SMAD9: variants seen among roughly 807,000 people sequenced by gnomAD.
SMAD9 encodes MAD homolog 9.
SMAD9 carries 36 observed loss-of-function variants against 46.1 expected under a neutral mutation model. That is an observed-to-expected ratio of 0.78 (90% CI 0.60 to 1.03). The LOEUF is 1.03. SMAD9 is among the 50% of genes least tolerant of loss of function. The probability of loss-of-function intolerance (pLI) is 0.00; values close to 1 mark genes in which losing one functional copy is unlikely to be tolerated. For missense variants in SMAD9, 572 were observed against 599.8 expected (o/e 0.95, Z 0.48); for synonymous variants, 245 against 237.1 (o/e 1.03, Z -0.31).
chr13:36,906,799 C>T (rs781612887), intron 1 of SMAD9, among the ~76,000 whole-genome samples: 19 of 152,122 alleles, frequency 1.2e-4, no homozygotes, highest in Non-Finnish European at 2.5e-4. Flanking sequence ...AAAATTTGCA[C>T]ATTGTTGATG....
At chr13:36,874,749 T>TG (rs530889221) in intron 2 of SMAD9, among the ~76,000 whole-genome samples, 4 of 146,234 alleles carry the variant, frequency 2.7e-5, no homozygotes, top group South Asian at 2.2e-4. Flanking sequence ...CCCAGCTACT[T>TG]GGGGGGGCTG....
chr13:36,918,461 C>G (rs1364358348), intron 1 of SMAD9, among the ~76,000 whole-genome samples: 1 of 152,240 alleles, frequency 6.6e-6, no homozygotes, highest in Non-Finnish European at 1.5e-5. Context: ...CGAAGGCTGT[C>G]TGGCAGACAG....
At chr13:36,856,495 T>C (rs1489640236) in intron 5 of SMAD9, among the ~76,000 whole-genome samples, 1 of 152,070 alleles carries the variant, frequency 6.6e-6, no homozygotes, top group Non-Finnish European at 1.5e-5. Flanking sequence ...GCAGAGCCAA[T>C]GGGACCAGCA....
At position 36,848,618 on chromosome 13, in the gene SMAD9, A is replaced by C; in HGVS notation, c.*58T>G. On this transcript the variant is annotated 3_prime_UTR_variant, in exon 7 of 7. Transcript: ENST00000379826. ...ACTTCAGTTGCAAATCTGAAATGAT[A>C]CAAGCCACTCCCTGCAATAGCCTCT... 3 of 1,526,070 alleles carry C rather than the reference A, an allele frequency of 2.0e-6. No homozygotes were observed. The highest frequency in any genetic ancestry group is 2.7e-6 in the Non-Finnish European group (3 of 1,099,930). The allele number at this position is 1,526,070 out of a possible 1,614,324, so 94.5% of individuals were successfully genotyped here.
Position 36,848,517 on chromosome 13 carries a change from A to T in SMAD9, c.*159T>A. On this transcript the variant is annotated 3_prime_UTR_variant, in exon 7 of 7. Coordinates refer to ENST00000379826, the MANE Select transcript of SMAD9 (RefSeq NM_001127217.3). Reference sequence around the variant, plus strand: ...GCACTGTACTGGCATCAGGTTAACTAGAAAGCACAAAACAAACGGTGATTA... The same window carrying T: ...GCACTGTACTGGCATCAGGTTAACTTGAAAGCACAAAACAAACGGTGATTA... 1 of 768,266 alleles carries T rather than the reference A, an allele frequency of 1.3e-6. No homozygotes were observed. The highest frequency in any genetic ancestry group is 2.2e-6 in the Non-Finnish European group (1 of 447,990). 47.6% of individuals were successfully genotyped at this position (768,266 alleles called of 1,614,324 possible).
chr13:36,869,963 T>G (rs763429700), intron 3 of SMAD9, among the ~76,000 whole-genome samples: 14 of 152,212 alleles, frequency 9.2e-5, no homozygotes, highest in South Asian at 2.1e-4. Flanking sequence ...TATACCTCAA[T>G]AGAGCTTTTT....
intron 3 of SMAD9, among the ~76,000 whole-genome samples, chr13:36,872,100 T>C (rs1014033519): frequency 2.0e-5 from 3 of 152,152 alleles, no homozygotes; most frequent in African/African-American, 7.2e-5. Flanking sequence ...CCCTTCCATA[T>C]GCTTTCTCAA....
intron 1 of SMAD9, among the ~76,000 whole-genome samples, chr13:36,899,651 T>C (rs1467241456): frequency 2.6e-5 from 4 of 152,028 alleles, no homozygotes; most frequent in African/African-American, 9.7e-5. Context: ...GGAAGCACAA[T>C]ATCAAAATGG....
intron 1 of SMAD9, among the ~76,000 whole-genome samples, chr13:36,885,839 A>AC (rs1566029908): frequency 6.6e-6 from 1 of 152,064 alleles, no homozygotes; most frequent in East Asian, 1.9e-4. Context: ...AGAGCCTGTG[A>AC]CCCCAAAAAG....
chr13:36,873,276 C>A (rs549869770), intron 2 of SMAD9, among the ~76,000 whole-genome samples: 2 of 152,308 alleles, frequency 1.3e-5, no homozygotes, highest in East Asian at 1.9e-4. Flanking sequence ...AATACCTGGC[C>A]TTCTGGCAAC....
Position 36,867,385 on chromosome 13 carries a change from T to C in SMAD9, c.671-2A>G. The C allele has an allele frequency of 6.5e-7, 1 of 1,536,218 alleles. No individual in the cohort carries two copies. The highest frequency in any genetic ancestry group is 8.8e-7 in the Non-Finnish European group (1 of 1,136,458). On this transcript the variant is annotated splice_acceptor_variant, in intron 3 of 6. Transcript: ENST00000379826. LOFTEE classifies it high-confidence loss of function. ...GATAAGGCAGGGGTGGTGTGTCAAC[T>C]AAAAGAAAGCAGTAGAACAAAGGAA... is the stretch of plus-strand genomic sequence containing the variant.
chr13:36,869,521 T>C (rs1189992807), intron 3 of SMAD9, among the ~76,000 whole-genome samples: 1 of 152,040 alleles, frequency 6.6e-6, no homozygotes, highest in Non-Finnish European at 1.5e-5. Context: ...TGCACCCGGC[T>C]AGACTGTACT....
intron 1 of SMAD9, among the ~76,000 whole-genome samples, chr13:36,910,540 T>C (rs1476675615): frequency 1.3e-5 from 2 of 152,156 alleles, no homozygotes; most frequent in Non-Finnish European, 2.9e-5. Context: ...TTGACGCCTG[T>C]AACATCAATT....
chr13:36,879,835 G>A lies in SMAD9; in HGVS notation c.-146C>T. ...CTGGGACCAATTCAAGTTGCGAAGTGTGTTGACTTTCTCCTAAGCCCTTGA... is the reference window on the plus strand; with the variant it reads ...CTGGGACCAATTCAAGTTGCGAAGTATGTTGACTTTCTCCTAAGCCCTTGA... On this transcript the variant is annotated 5_prime_UTR_variant, in exon 2 of 7. Coordinates refer to ENST00000379826, the MANE Select transcript of SMAD9 (RefSeq NM_001127217.3). 2.4e-6 allele frequency: 2 copies of A among 823,764 alleles called. No individual in the cohort carries two copies. The highest frequency in any genetic ancestry group is 3.9e-6 in the Non-Finnish European group (2 of 515,370). 51.0% of individuals were successfully genotyped at this position (823,764 alleles called of 1,614,324 possible).
intron 1 of SMAD9, among the ~76,000 whole-genome samples, chr13:36,885,479 G>A (rs974551169): frequency 6.6e-6 from 1 of 152,114 alleles, no homozygotes; most frequent in African/African-American, 2.4e-5. Flanking sequence ...GCAATCATAA[G>A]CTGTATTATA....
intron 6 of SMAD9, chr13:36,852,597 T>C: frequency 1.0e-6 from 1 of 982,098 alleles, no homozygotes; most frequent in Non-Finnish European, 1.2e-6. Context: ...ATCACACCCG[T>C]TTCTATTCCA....
intron 1 of SMAD9, among the ~76,000 whole-genome samples, chr13:36,904,025 A>G (rs553645505): frequency 6.6e-6 from 1 of 152,298 alleles, no homozygotes; most frequent in South Asian, 2.1e-4. Context: ...CTGTTAATAT[A>G]TATTATGTAA....
Position 36,858,413 on chromosome 13 carries a change from G to T in SMAD9, c.1004-4738C>A, listed in dbSNP as rs992123347. 3.3e-5 allele frequency among the ~76,000 whole-genome samples: 5 copies of T among 152,272 alleles called. No homozygotes were observed. In the East Asian group the frequency reaches 9.6e-4, roughly 29 times the overall value. ...GCAGATGGCAGTAATTTCTCTTGAGGAAGAGGCACCTTTTCCTAACTCACA... is the reference window on the plus strand; with the variant it reads ...GCAGATGGCAGTAATTTCTCTTGAGTAAGAGGCACCTTTTCCTAACTCACA... On this transcript the variant is annotated intron_variant, in intron 5 of 6. Coordinates refer to ENST00000379826, the MANE Select transcript of SMAD9 (RefSeq NM_001127217.3).
At chr13:36,852,692 T>C (rs1380909358) in intron 6 of SMAD9, among the ~76,000 whole-genome samples, 1 of 152,232 alleles carries the variant, frequency 6.6e-6, no homozygotes, top group Non-Finnish European at 1.5e-5. Context: ...TATTCATAAA[T>C]ATTATCTCCT....
Sources: gnomAD v4.1 joint callset for allele counts (sites outside exome capture counted in the v4.1 genomes callset) on GRCh38, gnomAD v4.1.1 for gene constraint, MANE v1.5 for transcripts, NCBI Gene and HGNC (gene_info 2026-07-23, HGNC 2026-07-21) for gene names.